NDUFAF2: variants seen among roughly 807,000 people sequenced by gnomAD.
NDUFAF2 encodes the protein NADH dehydrogenase [ubiquinone] 1 alpha subcomplex assembly factor 2.
NDUFAF2 carries 13 observed loss-of-function variants against 22.8 expected under a neutral mutation model. That is an observed-to-expected ratio of 0.57 (90% CI 0.37 to 0.91). The LOEUF is 0.91. Among genes scored for constraint, NDUFAF2 ranks in the 40% least tolerant of loss-of-function variants. NDUFAF2 has a pLI of 0.01. For synonymous variants in NDUFAF2, 53 were observed against 64.2 expected (o/e 0.83, Z 0.84); for missense variants, 162 against 195.2 (o/e 0.83, Z 1.01).
chr5:61,076,389 A>G (rs1370482757), intron 2 of NDUFAF2, among the ~76,000 whole-genome samples: 1 of 152,174 alleles, frequency 6.6e-6, no homozygotes, highest in East Asian at 1.9e-4. Context: ...GCAGTTTTAA[A>G]TAGTGTTCAG....
chr5:61,149,926 G>GT (rs1302315654), intron 3 of NDUFAF2, among the ~76,000 whole-genome samples: 2 of 151,884 alleles, frequency 1.3e-5, no homozygotes, highest in Admixed American at 6.6e-5. Context: ...TTGTTTGGGG[G>GT]TTTTTTTGTT....
chr5:61,130,228 T>A (rs939949062), intron 3 of NDUFAF2, among the ~76,000 whole-genome samples: 3 of 152,132 alleles, frequency 2.0e-5, no homozygotes, highest in African/African-American at 7.2e-5. Context: ...AACACAAATA[T>A]CACTTTCCTT....
intron 1 of NDUFAF2, among the ~76,000 whole-genome samples, chr5:60,992,546 T>A (rs1329798023): frequency 6.6e-6 from 1 of 152,186 alleles, no homozygotes; most frequent in African/African-American, 2.4e-5. Flanking sequence ...TTTAATTCAT[T>A]TATCGTTTTG....
chr5:60,988,332 A>T (rs1751110456), intron 1 of NDUFAF2, among the ~76,000 whole-genome samples: 1 of 152,104 alleles, frequency 6.6e-6, no homozygotes, highest in African/African-American at 2.4e-5. Context: ...AGAACCCAAT[A>T]TTTTTTAAAA....
At chr5:61,100,005 G>C (rs1752687427) in intron 3 of NDUFAF2, among the ~76,000 whole-genome samples, 1 of 152,044 alleles carries the variant, frequency 6.6e-6, no homozygotes, top group Non-Finnish European at 1.5e-5. Flanking sequence ...ATTCGGCCAG[G>C]GTCTGACTGA....
At chr5:61,090,826 C>T (rs12518792) in intron 2 of NDUFAF2, among the ~76,000 whole-genome samples, 63,616 of 151,818 alleles carry the variant, frequency 0.42, 14,192 homozygotes, top group East Asian at 0.81. Flanking sequence ...TTTCCTGATC[C>T]TCTCCCTCCT....
In NDUFAF2 at chr5:61,017,763, T is replaced by TG. The variant is rs1392790036; in HGVS notation, c.128-55362_128-55361insG. Reference sequence around the variant, plus strand: ...CTTTGTATTTATTTATTTATGTTTTTTTTTGCGATGGAGTCTCACTCTGTT... The same window carrying TG: ...CTTTGTATTTATTTATTTATGTTTTTGTTTTGCGATGGAGTCTCACTCTGTT... On this transcript the variant is annotated intron_variant, in intron 1 of 3. Coordinates refer to ENST00000296597, the MANE Select transcript of NDUFAF2 (RefSeq NM_174889.5). Among the ~76,000 whole-genome samples the TG allele has an allele frequency of 5.3e-5, 8 of 151,786 alleles. No individual in the cohort carries two copies. In the South Asian group the frequency reaches 8.3e-4, roughly 16 times the overall value.
chr5:60,990,488 A>T lies in NDUFAF2; in HGVS notation c.127+45106A>T, dbSNP rs1751143931. Among the ~76,000 whole-genome samples the T allele has an allele frequency of 2.6e-5, 4 of 152,262 alleles. No homozygotes were observed. In the South Asian group the frequency reaches 8.3e-4, roughly 32 times the overall value. On this transcript the variant is annotated intron_variant, in intron 1 of 3. Transcript: ENST00000296597. ...CATAAGGTATTAAATGTAGAAGTAGAATATATAAATGTTATGTACATTTTT... is the reference window on the plus strand; with the variant it reads ...CATAAGGTATTAAATGTAGAAGTAGTATATATAAATGTTATGTACATTTTT...
intron 3 of NDUFAF2, among the ~76,000 whole-genome samples, chr5:61,108,667 C>T (rs1752798569): frequency 1.3e-5 from 2 of 152,046 alleles, no homozygotes; most frequent in South Asian, 4.1e-4. Context: ...TCATTTCATT[C>T]TTCCACATAT....
chr5:61,056,520 T>G (rs1212915570), intron 1 of NDUFAF2, among the ~76,000 whole-genome samples: 1 of 152,150 alleles, frequency 6.6e-6, no homozygotes, highest in East Asian at 1.9e-4. Flanking sequence ...ATAAAATTCA[T>G]GTCATCCAAT....
intron 2 of NDUFAF2, among the ~76,000 whole-genome samples, chr5:61,096,371 C>T (rs907511999): frequency 4.6e-5 from 7 of 151,756 alleles, no homozygotes; most frequent in Admixed American, 1.3e-4. Flanking sequence ...GAGGCTGAGG[C>T]GAGCAGATCA....
At chr5:60,956,335 G>T (rs1420764149) in intron 1 of NDUFAF2, among the ~76,000 whole-genome samples, 1 of 152,084 alleles carries the variant, frequency 6.6e-6, no homozygotes, top group African/African-American at 2.4e-5. Context: ...TAATTTGGAT[G>T]CCATTTATTT....
chr5:61,112,709 A>G (rs1031511386), intron 3 of NDUFAF2, among the ~76,000 whole-genome samples: 2 of 151,972 alleles, frequency 1.3e-5, no homozygotes, highest in African/African-American at 2.4e-5. Flanking sequence ...TTCATCAGCT[A>G]ATTTGTCTTT....
intron 1 of NDUFAF2, among the ~76,000 whole-genome samples, chr5:60,986,030 T>G (rs989165566): frequency 1.3e-5 from 2 of 152,204 alleles, no homozygotes; most frequent in Non-Finnish European, 2.9e-5. Context: ...AGGGACCCCA[T>G]GTACCATGCT....
intron 1 of NDUFAF2, among the ~76,000 whole-genome samples, chr5:61,050,213 C>A (rs183866873): frequency 6.6e-6 from 1 of 152,090 alleles, no homozygotes; most frequent in Non-Finnish European, 1.5e-5. Context: ...GTTCCAGTTT[C>A]TTTACAACCT....
At chr5:61,074,479 C>T (rs141037960) in intron 2 of NDUFAF2, among the ~76,000 whole-genome samples, 5,173 of 152,170 alleles carry the variant, frequency 0.034, 124 homozygotes, top group Middle Eastern at 0.068. Flanking sequence ...CCCAGCTACT[C>T]GGGAGGCTGA....
At chr5:61,093,124 AGAAGGC>A (rs1752591434) in intron 2 of NDUFAF2, among the ~76,000 whole-genome samples, 1 of 152,216 alleles carries the variant, frequency 6.6e-6, no homozygotes, top group Non-Finnish European at 1.5e-5. Flanking sequence ...GAGTAAGTCC[AGAAGGC>A]TCAGCAAGTC....
At chr5:61,089,527 C>G (rs1179412622) in intron 2 of NDUFAF2, among the ~76,000 whole-genome samples, 1 of 152,096 alleles carries the variant, frequency 6.6e-6, no homozygotes, top group Non-Finnish European at 1.5e-5. Flanking sequence ...TCACGTTGAG[C>G]ATTTCCGGCT....
chr5:60,958,526 A>G (rs1750646558), intron 1 of NDUFAF2, among the ~76,000 whole-genome samples: 2 of 152,100 alleles, frequency 1.3e-5, no homozygotes, highest in Admixed American at 1.3e-4. Flanking sequence ...TTTTATAACA[A>G]CCATGTAACC....
Sources: allele counts gnomAD v4.1 joint callset (sites outside exome capture counted in the v4.1 genomes callset), GRCh38; gene constraint gnomAD v4.1.1; transcripts MANE v1.5; gene names NCBI Gene and HGNC (gene_info 2026-07-23, HGNC 2026-07-21).